HYOU1: variants seen among roughly 807,000 people sequenced by gnomAD.
The protein encoded by HYOU1 is hypoxia up-regulated 1, also known as hypoxia up-regulated protein 1.
HYOU1 carries 40 observed loss-of-function variants against 120.5 expected under a neutral mutation model. The observed-to-expected ratio is 0.33, with a 90% CI of 0.26 to 0.43. HYOU1 has a LOEUF of 0.43. Among genes scored for constraint, HYOU1 ranks in the 20% least tolerant of loss-of-function variants. The pLI is 1.00. For missense variants in HYOU1, 1,085 were observed against 1,278.3 expected (o/e 0.85, Z 2.31); for synonymous variants, 501 against 479.4 (o/e 1.05, Z -0.59).
chr11:119,056,274 C>A, intron 1 of HYOU1, 107 bp from the exon 2 acceptor site: 1 of 810,850 alleles, frequency 1.2e-6, no homozygotes, highest in South Asian at 1.4e-5. Context: ...CTACTTCATT[C>A]TTACCCAGGG....
In HYOU1 at chr11:119,048,255, G is replaced by T. The variant is rs996948821; in HGVS notation, c.2369C>A (p.Thr790Asn). ...TCCTGAGAGGCCCCTCACCACTGTG[G>T]TGGCTCCAACACCCTCATCCTCCAG... ...TWLEDEGVGA[T>N]TVMLKEKLAE... The change falls in exon 20 of 26, where the codon ACC (threonine) becomes AAC (asparagine). Residue 790 changes from threonine to asparagine, a missense_variant. Thr to Asn is a moderately conservative substitution (Grantham distance 65). Transcript: ENST00000617285. This position sits in a 1 kb window ranked among gnomAD's most constrained non-coding sequence, Gnocchi z 4.7. The T allele has an allele frequency of 1.9e-6, 3 of 1,611,076 alleles. No homozygotes were observed. The highest frequency in any genetic ancestry group is 2.7e-5 in the African/African-American group (2 of 74,870).
At chr11:119,046,267 T>C in intron 24 of HYOU1, 150 bp downstream of exon 24, 3 of 107,754 alleles carry the variant, frequency 2.8e-5, no homozygotes, top group African/African-American at 6.4e-5. Flanking sequence ...TGCCTGGCCT[T>C]TTTTTTTTTT....
At chr11:119,050,121 C>T (rs2133577358) in intron 14 of HYOU1, among the ~76,000 whole-genome samples, 13 of 152,188 alleles carry the variant, frequency 8.5e-5, no homozygotes, top group African/African-American at 2.4e-4. Flanking sequence ...TCTTCAAAAA[C>T]GGATTCCTGG....
chr11:119,052,235 T>C lies in HYOU1; in HGVS notation c.1122+60A>G. On this transcript the variant is annotated intron_variant, in intron 10 of 25. Coordinates refer to ENST00000617285, the MANE Select transcript of HYOU1 (RefSeq NM_006389.5). The surrounding 1 kb of genome is among the most constrained non-coding windows in gnomAD (Gnocchi z 5.0). ...GTTAGCACTGACTCGTCCCTTGACG[T>C]CCCATGGGTTTCCTATGCCCTTTCC... 1 of 1,613,974 alleles carries C rather than the reference T, an allele frequency of 6.2e-7. No individual in the cohort carries two copies. Among genetic ancestry groups the C allele is most frequent in the Non-Finnish European group, 8.5e-7 (1 of 1,179,872 alleles).
At chr11:119,046,352 G>A in intron 24 of HYOU1, 65 bp downstream of exon 24, 2 of 1,476,042 alleles carry the variant, frequency 1.4e-6, no homozygotes, top group South Asian at 2.3e-5. Context: ...GGCTGTGCCT[G>A]CCAGTTTGCC....
In HYOU1 at chr11:119,055,316, C is replaced by G. The variant is rs145661123; in HGVS notation, c.288G>C (p.Thr96=). The stretch of plus-strand genomic sequence containing the variant: ...CCAGGAGGTGCTGGAAGTAACGTAG[C>G]GTAGCCTTTGGATTCTTAATCGCCT... ...ASMAIKNPKA[T]LRYFQHLLGK... is the part of the protein sequence containing the mutation. The change falls in exon 5 of 26, where the codon ACG becomes ACC. Residue 96 remains threonine (T), a synonymous_variant. Coordinates refer to ENST00000617285, the MANE Select transcript of HYOU1 (RefSeq NM_006389.5). This position sits in a 1 kb window ranked among gnomAD's most constrained non-coding sequence, Gnocchi z 4.0. 4.4e-4 allele frequency: 714 copies of G among 1,613,680 alleles called. 3 individuals carry two copies. In the Middle Eastern group the frequency reaches 5.3e-3, roughly 12 times the overall value.
At chr11:119,050,167 T>G (rs1364241473) in intron 14 of HYOU1, among the ~76,000 whole-genome samples, 1 of 152,216 alleles carries the variant, frequency 6.6e-6, no homozygotes, top group East Asian at 1.9e-4. Flanking sequence ...ATCTCAACAC[T>G]TTGGGAGGCC....
Position 119,045,613 on chromosome 11 carries a change from A to G in HYOU1, c.2980T>C (p.Leu994=), listed in dbSNP as rs782133967. ...GGGGGTTATAGTTCGTCGTTCTTCA[A>G]AGGCCGCTTCTGTCCTGTCGATTGT... is the stretch of plus-strand genomic sequence containing the variant. ...KEQSTGQKRP[L]KNDEL The change falls in exon 26 of 26, where the codon TTG becomes CTG. Residue 994 remains leucine (L), a synonymous_variant. Transcript: ENST00000617285. 4 of 1,614,094 alleles carry G rather than the reference A, an allele frequency of 2.5e-6. No homozygotes were observed. The African/African-American group carries it at 5.3e-5, about 22-fold the overall frequency.
In HYOU1 at chr11:119,048,449, G is replaced by A. The variant is rs2133564346; in HGVS notation, c.2253+27C>T. The A allele has an allele frequency of 2.5e-6, 4 of 1,613,192 alleles. No individual in the cohort carries two copies. The highest frequency in any genetic ancestry group is 3.4e-6 in the Non-Finnish European group (4 of 1,179,862). On this transcript the variant is annotated intron_variant, in intron 19 of 25. Coordinates refer to ENST00000617285, the MANE Select transcript of HYOU1 (RefSeq NM_006389.5). The surrounding 1 kb of genome is among the most constrained non-coding windows in gnomAD (Gnocchi z 4.7). ...ACAGAGCCAGGTGTAAGCCCAGTGGGGGGGCTGCTGCCTCCTGCCCACTGA... is the reference window on the plus strand; with the variant it reads ...ACAGAGCCAGGTGTAAGCCCAGTGGAGGGGCTGCTGCCTCCTGCCCACTGA...
chr11:119,046,327 G>A (rs1944074145), intron 24 of HYOU1, 90 bp downstream of exon 24: 2 of 1,188,618 alleles, frequency 1.7e-6, no homozygotes, highest in Admixed American at 3.7e-5. Context: ...CAAGCTCATG[G>A]GCTGTCTAGA....
In HYOU1 at chr11:119,056,172, G is replaced by C; in HGVS notation, c.-7-5C>G. ...ACTTTGTCTGCCATAGTGCCCCTGGGGGAGGCGAAGAAAGAAAACACTTAA... is the reference window on the plus strand; with the variant it reads ...ACTTTGTCTGCCATAGTGCCCCTGGCGGAGGCGAAGAAAGAAAACACTTAA... On this transcript the variant is annotated splice_region_variant and splice_polypyrimidine_tract_variant and intron_variant, in intron 1 of 25. Transcript: ENST00000617285. The C allele has an allele frequency of 6.2e-7, 1 of 1,607,766 alleles. No individual in the cohort carries two copies. The highest frequency in any genetic ancestry group is 8.5e-7 in the Non-Finnish European group (1 of 1,175,190).
Position 119,049,857 on chromosome 11 carries a change from GA to G in HYOU1, c.1666-21del. 1 of 1,610,002 alleles carries G rather than the reference GA, an allele frequency of 6.2e-7. No individual in the cohort carries two copies. Among genetic ancestry groups the G allele is most frequent in the African/African-American group, 1.3e-5 (1 of 74,922 alleles). Reference sequence around the variant, plus strand: ...CTCCACCTGAAAACAGGTTCAAAATGAAAAAATACACAGGCTAATCCACCTT... The same window carrying G: ...CTCCACCTGAAAACAGGTTCAAAATGAAAAATACACAGGCTAATCCACCTT... On this transcript the variant is annotated intron_variant, in intron 14 of 25. Transcript: ENST00000617285.
Position 119,055,769 on chromosome 11 carries a change from T to G in HYOU1, c.166A>C (p.Met56Leu), listed in dbSNP as rs781797073. The G allele has an allele frequency of 1.2e-6, 2 of 1,613,906 alleles. No individual in the cohort carries two copies. ...KVAIVKPGVP[M>L]EIVLNKESRR... Reference sequence around the variant, plus strand: ...CCTCACTTATTCAAGACAATTTCCATGGGCACTCCAGGTTTGACAATGGCC... The same window carrying G: ...CCTCACTTATTCAAGACAATTTCCAGGGGCACTCCAGGTTTGACAATGGCC... The change falls in exon 3 of 26, where the codon ATG becomes CTG. Residue 56 changes from methionine to leucine, a missense_variant. Met to Leu is a conservative substitution (Grantham distance 15). Around this residue, in one of 4 missense-constraint regions of HYOU1, gnomAD observed 9 missense variants for 34.3 expected, o/e 0.26. Transcript: ENST00000617285. The surrounding 1 kb of genome is among the most constrained non-coding windows in gnomAD (Gnocchi z 4.0).
intron 22 of HYOU1, 120 bp from the exon 23 acceptor site, chr11:119,046,922 T>G: frequency 7.4e-7 from 1 of 1,342,564 alleles, no homozygotes; most frequent in Non-Finnish European, 1.0e-6. Context: ...CTGCCACCCC[T>G]GGCCTCAGCC....
chr11:119,055,903 T>G lies in HYOU1; in HGVS notation c.92-60A>C. 6.8e-7 allele frequency: 1 copy of G among 1,480,346 alleles called. No individual in the cohort carries two copies. Among genetic ancestry groups the G allele is most frequent in the South Asian group, 1.1e-5 (1 of 88,482 alleles). 91.7% of individuals were successfully genotyped at this position (1,480,346 alleles called of 1,614,324 possible). A position where few individuals can be genotyped will look rare whatever the true frequency, so the allele number is the denominator to read the frequency against. On this transcript the variant is annotated intron_variant, in intron 2 of 25. Transcript: ENST00000617285. This position sits in a 1 kb window ranked among gnomAD's most constrained non-coding sequence, Gnocchi z 4.0. Reference sequence around the variant, plus strand: ...CTTCGCCCACCTTCCTGGGACTCCCTCTAATCAAAGCATACCACTTTCCAT... The same window carrying G: ...CTTCGCCCACCTTCCTGGGACTCCCGCTAATCAAAGCATACCACTTTCCAT...
chr11:119,047,038 C>T lies in HYOU1; in HGVS notation c.2596-236G>A, dbSNP rs2133554723. On this transcript the variant is annotated intron_variant, in intron 22 of 25. Transcript: ENST00000617285. ...TCCTACTACTCTGGAGTGACTACAA[C>T]TGAACAAACCCCTTGAATAGTCCTT... 1.5e-3 allele frequency: 758 copies of T among 516,086 alleles called. 8 individuals are homozygous for T. The highest frequency in any genetic ancestry group is 0.013 in the African/African-American group (662 of 51,850). The allele number at this position is 516,086 out of a possible 1,614,324, so 32.0% of individuals were successfully genotyped here.
chr11:119,047,818 C>G lies in HYOU1; in HGVS notation c.2511G>C (p.Lys837Asn), dbSNP rs201472881. The G allele has an allele frequency of 1.2e-5, 19 of 1,613,848 alleles. No individual in the cohort carries two copies. Among genetic ancestry groups the G allele is most frequent in the African/African-American group, 8.0e-5 (6 of 74,922 alleles). The change falls in exon 22 of 26, where the codon AAG becomes AAC. Residue 837 changes from lysine to asparagine, a missense_variant and splice_region_variant. This residue lies in a region of HYOU1 where 516 missense variants were observed against 517.1 expected (regional missense o/e 1.00). Transcript: ENST00000617285. ...CCATCTCTGGGATGAGCCGGGCCCC[C>G]CTGGAAGCCAGAAAGGAGACCATTA... ...NLLNHSSMFL[K>N]GARLIPEMDQ... is the part of the protein sequence containing the mutation.
Position 119,046,487 on chromosome 11 carries a change from A to C in HYOU1, c.2837-20T>G, listed in dbSNP as rs2133550243. 3 of 1,614,034 alleles carry C rather than the reference A, an allele frequency of 1.9e-6. No homozygotes were observed. Among genetic ancestry groups the C allele is most frequent in the African/African-American group, 2.7e-5 (2 of 74,902 alleles). On this transcript the variant is annotated intron_variant, in intron 23 of 25. Coordinates refer to ENST00000617285, the MANE Select transcript of HYOU1 (RefSeq NM_006389.5). ...TCTGGCCTAGAAGGAAACCAGGGGT[A>C]AGACATAGCCTCAGGAAGGAAAGGA...
chr11:119,045,525 T>C lies in HYOU1; in HGVS notation c.*68A>G. 7.3e-7 allele frequency: 1 copy of C among 1,374,990 alleles called. No individual in the cohort carries two copies. The highest frequency in any genetic ancestry group is 1.2e-5 in the South Asian group (1 of 86,354). 85.2% of individuals were successfully genotyped at this position (1,374,990 alleles called of 1,614,324 possible). On this transcript the variant is annotated 3_prime_UTR_variant, in exon 26 of 26. Coordinates refer to ENST00000617285, the MANE Select transcript of HYOU1 (RefSeq NM_006389.5). ...GCAGGACCAACCCCTCCCCCAACCC[T>C]CGATGTTAAATAAATAGAAGTGGTG...
Sources: gnomAD v4.1 joint callset for allele counts (sites outside exome capture counted in the v4.1 genomes callset) on GRCh38, gnomAD v4.1.1 for gene constraint, gnomAD v4.1.1 regional missense constraint, Gnocchi (gnomAD v3.1) non-coding constraint, MANE v1.5 for transcripts, NCBI Gene and HGNC (gene_info 2026-07-23, HGNC 2026-07-21) for gene names.